The following NOD1 variants were observed in gnomAD, a reference collection of about 807,000 sequenced individuals.
NOD1 encodes the protein nucleotide binding oligomerization domain containing 1.
Under a neutral mutation model 81.2 loss-of-function variants are expected in NOD1, and 70 were observed. The ratio of observed to expected loss-of-function variants is 0.86; its 90% confidence interval spans 0.71 to 1.05. NOD1 has a LOEUF of 1.05. Ranked by LOEUF, NOD1 falls within the 50% of genes least tolerant of loss-of-function variation. The pLI is 0.00. For missense variants in NOD1, 1,233 were observed against 1,228.0 expected (o/e 1.00, Z -0.06); for synonymous variants, 508 against 526.9 (o/e 0.96, Z 0.49).
At chr7:30,431,219 G>T (rs1047858960) in intron 12 of NOD1, among the ~76,000 whole-genome samples, 1 of 142,598 alleles carries the variant, frequency 7.0e-6, no homozygotes, top group African/African-American at 2.6e-5. Flanking sequence ...CTGCACTTAG[G>T]GAATGGGATC....
intron 11 of NOD1, chr7:30,433,440 C>T (rs532343807): frequency 2.7e-4 from 132 of 480,628 alleles, no homozygotes; most frequent in African/African-American, 2.4e-3. Context: ...CCTCCCTCCC[C>T]ACCTTTGCTG....
Position 30,452,448 on chromosome 7 carries a change from G to A in NOD1, c.969C>T (p.Leu323=). Residue 323 remains leucine (L), a synonymous_variant, in exon 6 of 14, where the codon CTC becomes CTT. Transcript: ENST00000222823. The stretch of plus-strand genomic sequence containing the variant: ...CTGTGAGCAGCTTGCTAGCCCCCTT[G>A]AGCAGCTTCCCACTGAGCAGGTTGG... ...LLANLLSGKL[L]KGASKLLTAR... is the part of the protein sequence containing the mutation. The A allele has an allele frequency of 6.2e-7, 1 of 1,613,376 alleles. No homozygotes were observed. The highest frequency in any genetic ancestry group is 8.5e-7 in the Non-Finnish European group (1 of 1,179,986).
In NOD1 at chr7:30,430,013, C is replaced by G. The variant is rs1434976998; in HGVS notation, c.2706-556G>C. ...CCAGCCTGGGTGACAGAGTGAGACT[C>G]CATTTATATTTTTATATATATTTGG... On this transcript the variant is annotated intron_variant, in intron 12 of 13. Coordinates refer to ENST00000222823, the MANE Select transcript of NOD1 (RefSeq NM_006092.4). Among the ~76,000 whole-genome samples, 3 of 152,032 alleles carry G rather than the reference C, an allele frequency of 2.0e-5. No homozygotes were observed. In the East Asian group the frequency reaches 5.8e-4, roughly 29 times the overall value.
chr7:30,433,337 C>G (rs562684578), intron 11 of NOD1, 158 bp from the exon 12 acceptor site: 1 of 610,818 alleles, frequency 1.6e-6, no homozygotes, highest in African/African-American at 1.8e-5. Flanking sequence ...CCCAGCCTGT[C>G]AGCCCCACAG....
At position 30,429,460 on chromosome 7, in the gene NOD1, G is replaced by A. The variant is rs1783754370; in HGVS notation, c.2706-3C>T. 6.2e-7 allele frequency: 1 copy of A among 1,613,198 alleles called. No homozygotes were observed. The highest frequency in any genetic ancestry group is 8.5e-7 in the Non-Finnish European group (1 of 1,179,150). On this transcript the variant is annotated splice_polypyrimidine_tract_variant and splice_region_variant and intron_variant, in intron 12 of 13. Coordinates refer to ENST00000222823, the MANE Select transcript of NOD1 (RefSeq NM_006092.4). Reference sequence around the variant, plus strand: ...CTGTGATCTGATTCTGGATAAGCCTGAAAGAAGAACATAACTTGTATAAAA... The same window carrying A: ...CTGTGATCTGATTCTGGATAAGCCTAAAAGAAGAACATAACTTGTATAAAA...
At chr7:30,453,126 G>A in intron 5 of NOD1, 86 bp from the exon 6 acceptor site, 10 of 1,443,682 alleles carry the variant, frequency 6.9e-6, no homozygotes, top group Non-Finnish European at 8.4e-6. Flanking sequence ...AAAGAGGAGA[G>A]GCGAGTGCAT....
rs1583665783 is a variant in NOD1 at position 30,432,993 on chromosome 7, A to C, written c.2705+103T>G. 11 of 865,642 alleles carry C rather than the reference A, an allele frequency of 1.3e-5. No homozygotes were observed. The East Asian group carries it at 1.8e-4, about 14-fold the overall frequency. The allele number at this position is 865,642 out of a possible 1,614,324, so 53.6% of individuals were successfully genotyped here. A position where few individuals can be genotyped will look rare whatever the true frequency, so the allele number is the denominator to read the frequency against. ...TGATGGTTGCACTAAAAACCTCTGA[A>C]TTGTATACTTTAAGAGAGTGAATTT... On this transcript the variant is annotated intron_variant, in intron 12 of 13. Coordinates refer to ENST00000222823, the MANE Select transcript of NOD1 (RefSeq NM_006092.4).
intron 11 of NOD1, 107 bp from the exon 12 acceptor site, chr7:30,433,286 T>C: frequency 1.2e-6 from 1 of 811,170 alleles, no homozygotes; most frequent in Non-Finnish European, 2.0e-6. Context: ...GCTATGCAGA[T>C]GATCACTTGC....
rs753967516 is a variant in NOD1, at chr7:30,452,541, G to A, written c.876C>T (p.Asp292=). 9.3e-6 allele frequency: 15 copies of A among 1,613,190 alleles called. No individual in the cohort carries two copies. In the East Asian group the frequency reaches 3.1e-4, roughly 34 times the overall value. The change falls in exon 6 of 14, where the codon GAC becomes GAT. Residue 292 remains aspartate (D), a synonymous_variant. Transcript: ENST00000222823. ...TGTCAGGCACGCGGCTCAGGTCCAA[G>A]TCCGAGTGCAGCTCGTCCAGGCCAT... ...TFDGLDELHS[D]LDLSRVPDSS...
chr7:30,452,628 C>T lies in NOD1; in HGVS notation c.789G>A (p.Arg263=). 6.2e-7 allele frequency: 1 copy of T among 1,613,748 alleles called. No homozygotes were observed. The highest frequency in any genetic ancestry group is 2.2e-5 in the East Asian group (1 of 44,888). The part of the protein sequence containing the change: ...LLFKHYCYPE[R]DPEEVFAFLL... ...GGAAGGCAAACACCTCCTCGGGGTC[C>T]CGCTCTGGGTAGCAGTAGTGCTTGA... Residue 263 remains arginine, a synonymous_variant, in exon 6 of 14, where the codon CGG becomes CGA. Coordinates refer to ENST00000222823, the MANE Select transcript of NOD1 (RefSeq NM_006092.4).
rs1446509124 is a variant in NOD1 at position 30,451,495 on chromosome 7, T to C, written c.1922A>G (p.Glu641Gly). 6.2e-7 allele frequency: 1 copy of C among 1,613,138 alleles called. No homozygotes were observed. Among genetic ancestry groups the C allele is most frequent in the Admixed American group, 1.7e-5 (1 of 59,990 alleles). ...YLKSLPRVQV[E>G]SFNQVQAMPT... ...CATGGCCTGCACCTGGTTGAAGCTT[T>C]CGACCTGAACGCGGGGCAGGCTCTT... Residue 641 changes from glutamate to glycine, a missense_variant, in exon 6 of 14, where the codon GAA becomes GGA. By Grantham distance (98) the Glu-to-Gly change is moderately conservative. Coordinates refer to ENST00000222823, the MANE Select transcript of NOD1 (RefSeq NM_006092.4). This position sits in a 1 kb window ranked among gnomAD's most constrained non-coding sequence, Gnocchi z 4.2.
At chr7:30,468,958 G>C (rs1250105915) in intron 1 of NOD1, 10 of 985,334 alleles carry the variant, frequency 1.0e-5, no homozygotes, top group Non-Finnish European at 1.2e-5. Context: ...ACAGCAAGCT[G>C]GGTGGATGAA....
chr7:30,450,659 C>T (rs1332606204), intron 6 of NOD1, among the ~76,000 whole-genome samples: 1 of 152,156 alleles, frequency 6.6e-6, no homozygotes, highest in Non-Finnish European at 1.5e-5. Context: ...GCTTTCTCTG[C>T]AGTAATAAAA....
chr7:30,457,619 A>G (rs1480017761), intron 3 of NOD1, among the ~76,000 whole-genome samples: 1 of 152,162 alleles, frequency 6.6e-6, no homozygotes, highest in Non-Finnish European at 1.5e-5. Context: ...CTTTGATCCT[A>G]TACTGGGATA....
Position 30,451,868 on chromosome 7 carries a change from G to A in NOD1, c.1549C>T (p.His517Tyr). ...GTAAAGAAGGCCTGGAGGGTGAGGT[G>A]GAAAAACTCATAGGACTGCTGGTCA... Reference protein sequence around the residue: ...GGDQQSYEFFHLTLQAFFTAF... With the variant: ...GGDQQSYEFFYLTLQAFFTAF... The change falls in exon 6 of 14, where the codon CAC (histidine) becomes TAC (tyrosine). Residue 517 changes from histidine to tyrosine, a missense_variant. By Grantham distance (83) the His-to-Tyr change is moderately conservative (BLOSUM62 2). Transcript: ENST00000222823. This position sits in a 1 kb window ranked among gnomAD's most constrained non-coding sequence, Gnocchi z 4.2. 6.2e-7 allele frequency: 1 copy of A among 1,613,786 alleles called. No individual in the cohort carries two copies. The highest frequency in any genetic ancestry group is 1.7e-5 in the Admixed American group (1 of 60,024).
intron 9 of NOD1, among the ~76,000 whole-genome samples, chr7:30,438,945 A>G (rs1784627606): frequency 6.6e-6 from 1 of 152,214 alleles, no homozygotes; most frequent in Non-Finnish European, 1.5e-5. Flanking sequence ...TAGTTTCCAA[A>G]TAAAATTACC....
intron 3 of NOD1, among the ~76,000 whole-genome samples, chr7:30,458,498 AC>A (rs1786643768): frequency 1.3e-5 from 2 of 152,152 alleles, no homozygotes; most frequent in African/African-American, 4.8e-5. Context: ...TTTTTTTTCC[AC>A]CAAGTGGCAC....
chr7:30,461,839 C>T (rs538238213), intron 1 of NOD1, among the ~76,000 whole-genome samples: 11 of 152,174 alleles, frequency 7.2e-5, no homozygotes, highest in African/African-American at 2.6e-4. Context: ...CCCGGGTTCA[C>T]GCCATTCTCC....
At chr7:30,466,530 C>T (rs1454431694) in intron 1 of NOD1, among the ~76,000 whole-genome samples, 3 of 152,080 alleles carry the variant, frequency 2.0e-5, no homozygotes, top group Non-Finnish European at 2.9e-5. Flanking sequence ...CATGGTGGTG[C>T]ACGCCTACTG....
Sources: allele counts gnomAD v4.1 joint callset (sites outside exome capture counted in the v4.1 genomes callset), GRCh38; gene constraint gnomAD v4.1.1; non-coding constraint Gnocchi (gnomAD v3.1); transcripts MANE v1.5; gene names NCBI Gene and HGNC (gene_info 2026-07-23, HGNC 2026-07-21).